Variants in AGAP1 observed in about 807,000 individuals in gnomAD.
AGAP1 encodes the protein arf-GAP with GTPase, ANK repeat and PH domain-containing protein 1.
Under a neutral mutation model 105.3 loss-of-function variants are expected in AGAP1, and 29 were observed. The ratio of observed to expected loss-of-function variants is 0.28; its 90% CI spans 0.21 to 0.38. The LOEUF is 0.38. AGAP1 is among the 10% of genes least tolerant of loss of function. The pLI, the probability that AGAP1 is intolerant of heterozygous loss-of-function variation, is 1.00. For missense variants in AGAP1, 998 were observed against 1,165.1 expected (o/e 0.86, Z 2.09); for synonymous variants, 509 against 485.9 (o/e 1.05, Z -0.63).
Position 235,663,611 on chromosome 2 carries a change from A to G in AGAP1, c.164-45568A>G, listed in dbSNP as rs1359472847. ...CGTTTGTGGCCTCAATGTGATTTTC[A>G]TGTAAGTCATGGATTTTCTAAATCT... On this transcript the variant is annotated intron_variant, in intron 1 of 17. Coordinates refer to ENST00000304032, the MANE Select transcript of AGAP1 (RefSeq NM_001037131.3). The surrounding 1 kb of genome is among the most constrained non-coding windows in gnomAD (Gnocchi z 5.4). 6.6e-6 allele frequency among the ~76,000 whole-genome samples: 1 copy of G among 152,156 alleles called. No individual in the cohort carries two copies. The highest frequency in any genetic ancestry group is 1.5e-5 in the Non-Finnish European group (1 of 68,026).
chr2:236,004,916 G>A (rs937590884), intron 13 of AGAP1, among the ~76,000 whole-genome samples: 5 of 152,108 alleles, frequency 3.3e-5, no homozygotes, highest in Non-Finnish European at 5.9e-5. Flanking sequence ...CCTTTAACTT[G>A]GCAGTGTTAC....
At chr2:235,506,289 A>T (rs1241752555) in intron 1 of AGAP1, among the ~76,000 whole-genome samples, 1 of 152,014 alleles carries the variant, frequency 6.6e-6, no homozygotes, top group African/African-American at 2.4e-5. Flanking sequence ...ATTTGAAGCC[A>T]GGTGCGGTGG....
chr2:235,646,135 C>T (rs187396442), intron 1 of AGAP1, among the ~76,000 whole-genome samples: 182 of 152,000 alleles, frequency 1.2e-3, no homozygotes, highest in South Asian at 4.0e-3. Context: ...ATTAGCTGGG[C>T]GTGGTGGTGG....
rs566174606 is a variant in AGAP1 at position 235,614,449 on chromosome 2, G to A, written c.164-94730G>A. 3.3e-5 allele frequency among the ~76,000 whole-genome samples: 5 copies of A among 152,272 alleles called. 1 individual carries two copies. In the East Asian group the frequency reaches 9.7e-4, roughly 29 times the overall value. ...CCTGTGATGGGCTGGATGTATTTGG[G>A]GAGGGAAGAAGGCAGTTGTAGCTCA... On this transcript the variant is annotated intron_variant, in intron 1 of 17. Coordinates refer to ENST00000304032, the MANE Select transcript of AGAP1 (RefSeq NM_001037131.3). This position sits in a 1 kb window ranked among gnomAD's most constrained non-coding sequence, Gnocchi z 4.7.
intron 9 of AGAP1, chr2:235,852,737 G>A: frequency 6.5e-7 from 1 of 1,540,402 alleles, no homozygotes; most frequent in Non-Finnish European, 8.8e-7. Flanking sequence ...TCTCAGGCCT[G>A]CTGGAGCCCG....
chr2:236,091,997 T>C (rs1028755975), intron 16 of AGAP1, among the ~76,000 whole-genome samples: 4 of 152,276 alleles, frequency 2.6e-5, no homozygotes, highest in East Asian at 1.9e-4. Flanking sequence ...GGGAATTACA[T>C]TGAGTGAAAA....
chr2:235,784,420 T>C (rs1055082062), intron 6 of AGAP1, among the ~76,000 whole-genome samples: 2 of 152,174 alleles, frequency 1.3e-5, no homozygotes, highest in Non-Finnish European at 2.9e-5. Flanking sequence ...AATCAATCAG[T>C]ATTCTCTGCT....
rs771824436 is a variant in AGAP1 at position 235,566,314 on chromosome 2, C to T, written c.163+71465C>T. On this transcript the variant is annotated intron_variant, in intron 1 of 17. Coordinates refer to ENST00000304032, the MANE Select transcript of AGAP1 (RefSeq NM_001037131.3). This position sits in a 1 kb window ranked among gnomAD's most constrained non-coding sequence, Gnocchi z 5.2. ...CCATGTTTGTCAGGCTGGTCTCGAA[C>T]TGCCTTGGCCTCCTAAAGTGTTGGG... Among the ~76,000 whole-genome samples the T allele has an allele frequency of 1.2e-4, 18 of 152,178 alleles. No individual in the cohort carries two copies. The highest frequency in any genetic ancestry group is 2.4e-4 in the Non-Finnish European group (16 of 68,030).
intron 14 of AGAP1, among the ~76,000 whole-genome samples, chr2:236,039,704 T>TGAAC (rs2057488589): frequency 6.6e-6 from 1 of 152,172 alleles, no homozygotes; most frequent in African/African-American, 2.4e-5. Flanking sequence ...CAGTGAGCAA[T>TGAAC]GAACAAGTTT....
intron 1 of AGAP1, among the ~76,000 whole-genome samples, chr2:235,509,321 G>A (rs1043970056): frequency 5.9e-5 from 9 of 151,998 alleles, no homozygotes; most frequent in Non-Finnish European, 1.2e-4. Context: ...CTGCCTCCCA[G>A]GTTCCTGGGT....
chr2:235,641,950 C>T (rs1446753085), intron 1 of AGAP1, among the ~76,000 whole-genome samples: 1 of 152,206 alleles, frequency 6.6e-6, no homozygotes, highest in African/African-American at 2.4e-5. Context: ...TGAAACTGCT[C>T]CTCTGTCTTC....
At chr2:235,687,858 CT>C (rs147953084) in intron 1 of AGAP1, among the ~76,000 whole-genome samples, 25 of 117,266 alleles carry the variant, frequency 2.1e-4, no homozygotes, top group Non-Finnish European at 2.8e-4. Context: ...TTTTTTTTTT[CT>C]TTTTTTTTTG....
At chr2:235,708,995 A>G (rs1300276750) in intron 1 of AGAP1, among the ~76,000 whole-genome samples, 184 bp from the exon 2 acceptor site, 1 of 152,214 alleles carries the variant, frequency 6.6e-6, no homozygotes, top group Admixed American at 6.5e-5. Context: ...GGAACTCCCC[A>G]CTGGCATCTA....
chr2:236,097,380 C>CTTTTTTTTTTTTTTTTTTTTTT (rs58882083), intron 16 of AGAP1, among the ~76,000 whole-genome samples: 5 of 48,648 alleles, frequency 1.0e-4, no homozygotes, highest in African/African-American at 1.5e-4. Context: ...TCATCCTAAT[C>CTTTTTTTTTTTTTTTTTTTTTT]TTTTTTTTTT....
rs940922631 is a variant in AGAP1, at chr2:235,550,670, G to A, written c.163+55821G>A. Among the ~76,000 whole-genome samples the A allele has an allele frequency of 4.6e-5, 7 of 152,364 alleles. No homozygotes were observed. Among genetic ancestry groups the A allele is most frequent in the Admixed American group, 3.9e-4 (6 of 15,308 alleles). On this transcript the variant is annotated intron_variant, in intron 1 of 17. Coordinates refer to ENST00000304032, the MANE Select transcript of AGAP1 (RefSeq NM_001037131.3). This position sits in a 1 kb window ranked among gnomAD's most constrained non-coding sequence, Gnocchi z 4.6. ...CAGGATCAGCACCATCCACACCTGAGGCGTGGGGATCTCCGGGCATGATGC... is the reference window on the plus strand; with the variant it reads ...CAGGATCAGCACCATCCACACCTGAAGCGTGGGGATCTCCGGGCATGATGC...
intron 1 of AGAP1, among the ~76,000 whole-genome samples, chr2:235,626,057 C>A (rs926044643): frequency 6.6e-6 from 1 of 152,018 alleles, no homozygotes; most frequent in African/African-American, 2.4e-5. Context: ...GTACAGAAAT[C>A]ACTGAATATA....
In AGAP1 at chr2:236,050,515, A is replaced by G. The variant is rs542665598; in HGVS notation, c.2114+1234A>G. 1.9e-4 allele frequency among the ~76,000 whole-genome samples: 29 copies of G among 152,354 alleles called. No individual in the cohort carries two copies. The South Asian group carries it at 4.1e-3, about 22-fold the overall frequency. ...AAATTATGCACTTTAAAAAGTATTT[A>G]TCTTGATTTGTTTAATGCTACCATA... On this transcript the variant is annotated intron_variant, in intron 16 of 17. Transcript: ENST00000304032. This position sits in a 1 kb window ranked among gnomAD's most constrained non-coding sequence, Gnocchi z 4.0.
rs1472238989 is a variant in AGAP1 at position 235,556,048 on chromosome 2, C to A, written c.163+61199C>A. On this transcript the variant is annotated intron_variant, in intron 1 of 17. Coordinates refer to ENST00000304032, the MANE Select transcript of AGAP1 (RefSeq NM_001037131.3). This position sits in a 1 kb window ranked among gnomAD's most constrained non-coding sequence, Gnocchi z 5.3. ...CGTGGGACATGTGAGGGAGAAACAG[C>A]ATCCTGCAGGAGAGCAATGCCTCCA... Among the ~76,000 whole-genome samples, 1 of 152,224 alleles carries A rather than the reference C, an allele frequency of 6.6e-6. No individual in the cohort carries two copies. The highest frequency in any genetic ancestry group is 1.5e-5 in the Non-Finnish European group (1 of 68,048).
At chr2:235,713,919 C>G (rs1026565831) in intron 2 of AGAP1, among the ~76,000 whole-genome samples, 1 of 152,196 alleles carries the variant, frequency 6.6e-6, no homozygotes, top group Non-Finnish European at 1.5e-5. Flanking sequence ...TCTCAGGCCT[C>G]TTCTACAAGG....
Sources: gnomAD v4.1 joint callset for allele counts (sites outside exome capture counted in the v4.1 genomes callset) on GRCh38, gnomAD v4.1.1 for gene constraint, Gnocchi (gnomAD v3.1) non-coding constraint, MANE v1.5 for transcripts, NCBI Gene and HGNC (gene_info 2026-07-23, HGNC 2026-07-21) for gene names.